The following PLEKHF2 variants were observed in gnomAD, a reference collection of about 807,000 sequenced individuals.
PLEKHF2 encodes pleckstrin homology domain-containing family F member 2.
Under a neutral mutation model 14.7 loss-of-function variants are expected in PLEKHF2, and 4 were observed. That is an observed-to-expected ratio of 0.27 (90% confidence interval 0.13 to 0.62). The LOEUF is 0.62. Among genes scored for constraint, PLEKHF2 ranks in the 20% least tolerant of loss-of-function variants. PLEKHF2 has a pLI of 0.85. For synonymous variants in PLEKHF2, 90 were observed against 103.5 expected (o/e 0.87, Z 0.79); for missense variants, 201 against 307.7 (o/e 0.65, Z 2.60).
chr8:95,140,446 A>G (rs1441690652), intron 1 of PLEKHF2, among the ~76,000 whole-genome samples: 1 of 152,082 alleles, frequency 6.6e-6, no homozygotes, highest in Non-Finnish European at 1.5e-5. Flanking sequence ...ATATTTTCCT[A>G]TTTAAAAACC....
chr8:95,147,311 G>A (rs558457463), intron 1 of PLEKHF2, among the ~76,000 whole-genome samples: 38 of 152,038 alleles, frequency 2.5e-4, no homozygotes, highest in African/African-American at 8.9e-4. Flanking sequence ...ACTGTCTGGG[G>A]GAAGAATCTA....
intron 1 of PLEKHF2, among the ~76,000 whole-genome samples, chr8:95,145,567 G>A (rs113185164): frequency 0.077 from 11,663 of 151,910 alleles, 588 homozygotes; most frequent in African/African-American, 0.13. Context: ...GGGACTACAG[G>A]CACCCACCAC....
chr8:95,144,026 AT>A (rs113032180), intron 1 of PLEKHF2, among the ~76,000 whole-genome samples: 11,955 of 149,472 alleles, frequency 0.08, 613 homozygotes, highest in African/African-American at 0.13. Flanking sequence ...TGTGTGTGTG[AT>A]TTTTTTTTTC....
chr8:95,149,048 T>C (rs1409088835), intron 1 of PLEKHF2, among the ~76,000 whole-genome samples: 1 of 152,132 alleles, frequency 6.6e-6, no homozygotes, highest in Non-Finnish European at 1.5e-5. Flanking sequence ...ATAGTCTTTA[T>C]GTGTAACACA....
At chr8:95,138,947 C>T (rs1810409065) in intron 1 of PLEKHF2, among the ~76,000 whole-genome samples, 1 of 152,154 alleles carries the variant, frequency 6.6e-6, no homozygotes, top group African/African-American at 2.4e-5. Context: ...TATAAACTTT[C>T]TAAAGCATTT....
At chr8:95,135,049 A>G (rs1409326255) in intron 1 of PLEKHF2, among the ~76,000 whole-genome samples, 3 of 152,114 alleles carry the variant, frequency 2.0e-5, no homozygotes, top group African/African-American at 7.2e-5. Context: ...TCTTCACGTT[A>G]ATTCAGTATT....
intron 1 of PLEKHF2, among the ~76,000 whole-genome samples, chr8:95,151,374 A>T (rs1188361125): frequency 6.8e-6 from 1 of 147,624 alleles, no homozygotes; most frequent in Non-Finnish European, 1.5e-5. Flanking sequence ...TTTTTTTTTT[A>T]AAGTGCCAAT....
At chr8:95,143,946 A>G (rs1451664255) in intron 1 of PLEKHF2, among the ~76,000 whole-genome samples, 1 of 152,218 alleles carries the variant, frequency 6.6e-6, no homozygotes, top group Non-Finnish European at 1.5e-5. Context: ...GGGTGCATGT[A>G]GCCCAGGACA....
intron 1 of PLEKHF2, among the ~76,000 whole-genome samples, chr8:95,144,198 A>T (rs574392754): frequency 2.0e-5 from 3 of 152,170 alleles, no homozygotes; most frequent in Non-Finnish European, 4.4e-5. Flanking sequence ...CTTGAAGTCT[A>T]TATTTGTTCC....
intron 1 of PLEKHF2, among the ~76,000 whole-genome samples, chr8:95,148,441 T>C (rs1810524383): frequency 6.6e-6 from 1 of 152,008 alleles, no homozygotes; most frequent in Non-Finnish European, 1.5e-5. Context: ...TTTAAGAAAG[T>C]TGAGTAATGG....
intron 1 of PLEKHF2, among the ~76,000 whole-genome samples, chr8:95,142,057 C>A (rs1345635104): frequency 6.6e-6 from 1 of 152,006 alleles, no homozygotes; most frequent in African/African-American, 2.4e-5. Context: ...TTTGTATTAA[C>A]CTTGTGGCGT....
rs1374799877 is a variant in PLEKHF2, at chr8:95,133,852, G to A, written c.-193G>A. The A allele has an allele frequency of 6.6e-6, 1 of 152,482 alleles. No individual in the cohort carries two copies. The highest frequency in any genetic ancestry group is 2.1e-4 in the South Asian group (1 of 4,830). 9.4% of individuals were successfully genotyped at this position (152,482 alleles called of 1,614,324 possible). On this transcript the variant is annotated 5_prime_UTR_variant, in exon 1 of 2. Transcript: ENST00000315367. ...GCGGGGGAGTCACCTGCGAGCGGCT[G>A]CGCTGGCGGCCAGCCCGCCCACCGC...
chr8:95,141,740 CT>C (rs1810443186), intron 1 of PLEKHF2, among the ~76,000 whole-genome samples: 2 of 149,220 alleles, frequency 1.3e-5, no homozygotes, highest in South Asian at 4.2e-4. Context: ...CGGGGTTTCA[CT>C]GTTGGCCAGG....
chr8:95,151,653 C>T (rs934393796), intron 1 of PLEKHF2, among the ~76,000 whole-genome samples: 6 of 151,806 alleles, frequency 4.0e-5, no homozygotes, highest in Admixed American at 3.9e-4. Flanking sequence ...AGAGCAGGGA[C>T]CTTGCCTGTA....
chr8:95,152,656 A>G (rs1356301258), intron 1 of PLEKHF2, among the ~76,000 whole-genome samples: 2 of 152,078 alleles, frequency 1.3e-5, no homozygotes, highest in Admixed American at 6.6e-5. Flanking sequence ...TTATCCTATT[A>G]ATTCTTGGGA....
intron 1 of PLEKHF2, among the ~76,000 whole-genome samples, chr8:95,148,746 A>G (rs757678797): frequency 1.4e-4 from 22 of 152,118 alleles, no homozygotes; most frequent in Admixed American, 2.6e-4. Context: ...TTTCTGGAAC[A>G]ATTAATTAGC....
rs1810597201 is a variant in PLEKHF2, at chr8:95,154,760, C to CTGA, written c.726_728dup (p.Asp246dup). On this transcript the variant is annotated inframe_insertion, in exon 2 of 2. Transcript: ENST00000315367. This position sits in a 1 kb window ranked among gnomAD's most constrained non-coding sequence, Gnocchi z 5.6. ...TTGAAGTCTCCTTTAAATGATATGT[C>CTGA]TGATGATGATGACGATGATGATAGC... 9 of 1,613,916 alleles carry CTGA rather than the reference C, an allele frequency of 5.6e-6. No individual in the cohort carries two copies. Among genetic ancestry groups the CTGA allele is most frequent in the Middle Eastern group, 1.6e-4 (1 of 6,084 alleles).
chr8:95,147,405 GTTA>G (rs967660030), intron 1 of PLEKHF2, among the ~76,000 whole-genome samples: 1 of 151,858 alleles, frequency 6.6e-6, no homozygotes, highest in African/African-American at 2.4e-5. Flanking sequence ...TTTCTGAGTA[GTTA>G]TTATTATGTT....
At chr8:95,151,110 C>A (rs1810557443) in intron 1 of PLEKHF2, among the ~76,000 whole-genome samples, 1 of 152,136 alleles carries the variant, frequency 6.6e-6, no homozygotes, top group Non-Finnish European at 1.5e-5. Flanking sequence ...ATTTCTTCAT[C>A]AGCTCACAGT....
Sources: allele counts gnomAD v4.1 joint callset (sites outside exome capture counted in the v4.1 genomes callset), GRCh38; gene constraint gnomAD v4.1.1; non-coding constraint Gnocchi (gnomAD v3.1); transcripts MANE v1.5; gene names NCBI Gene and HGNC (gene_info 2026-07-23, HGNC 2026-07-21).